The following NAALADL2 variants were observed in gnomAD, a reference collection of about 807,000 sequenced individuals.
The protein encoded by NAALADL2 is N-acetylated alpha-linked acidic dipeptidase like 2, also known as inactive N-acetylated-alpha-linked acidic dipeptidase-like protein 2.
A neutral mutation model predicts 87.2 loss-of-function variants in NAALADL2; 76 were observed. The observed-to-expected ratio is 0.87, with a 90% CI of 0.72 to 1.05. NAALADL2 has a LOEUF of 1.05. Among genes scored for constraint, NAALADL2 ranks in the 50% least tolerant of loss-of-function variants. The pLI, the probability that NAALADL2 is intolerant of heterozygous loss-of-function variation, is 0.00. For missense variants in NAALADL2, 1,089 were observed against 945.8 expected (o/e 1.15, Z -1.99); for synonymous variants, 354 against 331.0 (o/e 1.07, Z -0.75).
intron 1 of NAALADL2, among the ~76,000 whole-genome samples, chr3:174,452,523 A>G (rs7643292): frequency 0.46 from 70,162 of 151,252 alleles, 17,800 homozygotes; most frequent in East Asian, 0.92. Flanking sequence ...CCATCGGTGT[A>G]TAGTGACTGG....
At chr3:175,218,836 G>A (rs928186327) in intron 2 of NAALADL2, among the ~76,000 whole-genome samples, 4 of 151,044 alleles carry the variant, frequency 2.6e-5, no homozygotes, top group Non-Finnish European at 5.9e-5. Flanking sequence ...ACGGAGTTTT[G>A]CTCTTTTTGC....
intron 1 of NAALADL2, among the ~76,000 whole-genome samples, chr3:174,450,221 A>G (rs1247748740): frequency 6.6e-5 from 10 of 152,154 alleles, no homozygotes; most frequent in Non-Finnish European, 1.3e-4. Flanking sequence ...GCCACACAGA[A>G]AGCCAGTCAC....
chr3:175,347,750 T>C (rs1451889404), intron 5 of NAALADL2, among the ~76,000 whole-genome samples: 1 of 152,156 alleles, frequency 6.6e-6, no homozygotes, highest in African/African-American at 2.4e-5. Context: ...TTTATTGTTA[T>C]TATACTTTAA....
At chr3:174,667,320 T>G (rs1057019469) in intron 2 of NAALADL2, among the ~76,000 whole-genome samples, 3 of 152,052 alleles carry the variant, frequency 2.0e-5, no homozygotes, top group Non-Finnish European at 4.4e-5. Flanking sequence ...CAAAGCTAGC[T>G]GAGGGAAGAA....
At chr3:174,778,554 A>G (rs1344265953) in intron 3 of NAALADL2, among the ~76,000 whole-genome samples, 2 of 151,982 alleles carry the variant, frequency 1.3e-5, no homozygotes, top group South Asian at 2.1e-4. Flanking sequence ...ACATGGGTAT[A>G]CATGTGCCAT....
chr3:175,336,354 A>G (rs573431504), intron 5 of NAALADL2, among the ~76,000 whole-genome samples: 9 of 152,286 alleles, frequency 5.9e-5, no homozygotes, highest in African/African-American at 2.2e-4. Context: ...CCACGGAGTC[A>G]TTTTTGAGGA....
At chr3:175,472,178 C>T (rs1386102565) in intron 9 of NAALADL2, among the ~76,000 whole-genome samples, 5 of 151,012 alleles carry the variant, frequency 3.3e-5, no homozygotes, top group African/African-American at 4.9e-5. Context: ...GTAGGCCCCC[C>T]GAGAGCAAGA....
intron 5 of NAALADL2, among the ~76,000 whole-genome samples, chr3:175,412,180 T>C (rs1713652213): frequency 6.6e-6 from 1 of 152,216 alleles, no homozygotes; most frequent in South Asian, 2.1e-4. Context: ...TCAACAAGTG[T>C]GGGAACACCC....
intron 4 of NAALADL2, among the ~76,000 whole-genome samples, chr3:175,299,814 C>T (rs560821799): frequency 1.3e-5 from 2 of 152,244 alleles, no homozygotes; most frequent in African/African-American, 4.8e-5. Flanking sequence ...CCAGAACTTC[C>T]AATACTATGT....
intron 11 of NAALADL2, among the ~76,000 whole-genome samples, chr3:175,674,763 A>G (rs1344663346): frequency 6.6e-6 from 1 of 152,190 alleles, no homozygotes; most frequent in Non-Finnish European, 1.5e-5. Context: ...TAAAAAAAAG[A>G]CTTAATTTGG....
intron 1 of NAALADL2, among the ~76,000 whole-genome samples, chr3:174,924,685 A>G (rs898165783): frequency 5.3e-5 from 8 of 152,138 alleles, no homozygotes; most frequent in Non-Finnish European, 1.2e-4. Flanking sequence ...CCAACATTGT[A>G]GAAGTGTTCC....
chr3:175,226,806 C>A (rs1011885133), intron 2 of NAALADL2, among the ~76,000 whole-genome samples: 1 of 151,978 alleles, frequency 6.6e-6, no homozygotes, highest in Non-Finnish European at 1.5e-5. Flanking sequence ...CCCTCTCAAC[C>A]ATTTAATTCC....
chr3:174,815,331 A>G (rs1050317767), intron 3 of NAALADL2, among the ~76,000 whole-genome samples: 1 of 152,040 alleles, frequency 6.6e-6, no homozygotes. Flanking sequence ...AGAGGAATGT[A>G]CTCTAGGCCT....
rs1015591274 is a variant in NAALADL2 at position 174,571,380 on chromosome 3, CT to C, written c.-115+20752del. 1.7e-4 allele frequency among the ~76,000 whole-genome samples: 26 copies of C among 151,336 alleles called. No individual in the cohort carries two copies. In the East Asian group the frequency reaches 4.3e-3, roughly 25 times the overall value. On this transcript the variant is annotated intron_variant, in intron 2 of 3. Transcript: ENST00000434257. The stretch of plus-strand genomic sequence containing the variant: ...ATTCACTAATGCATGCATGTAAATT[CT>C]TTTTTTTTCTTTGAGACAGAGTTTC...
chr3:175,371,234 A>T (rs1172014063), intron 5 of NAALADL2, among the ~76,000 whole-genome samples: 1 of 152,052 alleles, frequency 6.6e-6, no homozygotes. Context: ...AGAATTATGA[A>T]GAGACTATCA....
At chr3:174,779,228 A>G (rs1384598374) in intron 3 of NAALADL2, among the ~76,000 whole-genome samples, 2 of 152,172 alleles carry the variant, frequency 1.3e-5, no homozygotes, top group Non-Finnish European at 2.9e-5. Context: ...TCTAATGACC[A>G]GTGATGATGA....
chr3:174,922,196 C>T (rs752350850), intron 1 of NAALADL2, among the ~76,000 whole-genome samples: 6 of 151,340 alleles, frequency 4.0e-5, no homozygotes, highest in African/African-American at 1.2e-4. Flanking sequence ...TGTAGTCCTA[C>T]GTTCTTGGGA....
chr3:175,580,181 A>G (rs1275506732), intron 10 of NAALADL2, among the ~76,000 whole-genome samples: 1 of 152,156 alleles, frequency 6.6e-6, no homozygotes, highest in Non-Finnish European at 1.5e-5. Context: ...TTAAAGCTAG[A>G]TAACTTTGAT....
chr3:175,744,122 G>T (rs2150105461), intron 12 of NAALADL2, among the ~76,000 whole-genome samples: 1 of 152,222 alleles, frequency 6.6e-6, no homozygotes, highest in South Asian at 2.1e-4. Context: ...AGAAGGGAAA[G>T]AAAATATTCT....
Sources: gnomAD v4.1 joint callset for allele counts (sites outside exome capture counted in the v4.1 genomes callset) on GRCh38, gnomAD v4.1.1 for gene constraint, MANE v1.5 for transcripts, NCBI Gene and HGNC (gene_info 2026-07-23, HGNC 2026-07-21) for gene names.